PCDH9: variants seen among roughly 807,000 people sequenced by gnomAD.
PCDH9 encodes protocadherin 9.
PCDH9 carries 24 observed loss-of-function variants against 70.6 expected under a neutral mutation model. That is an observed-to-expected ratio of 0.34 (90% CI 0.25 to 0.48). The LOEUF is 0.48. Among genes scored for constraint, PCDH9 ranks in the 20% least tolerant of loss-of-function variants. The probability of loss-of-function intolerance (pLI) is 0.99; values close to 1 mark genes in which losing one functional copy is unlikely to be tolerated. For synonymous variants in PCDH9, 562 were observed against 558.5 expected (o/e 1.01, Z -0.09); for missense variants, 1,281 against 1,503.6 (o/e 0.85, Z 2.45).
intron 2 of PCDH9, chr13:67,212,395 T>A (rs995633650): frequency 6.6e-6 from 1 of 152,134 alleles, no homozygotes; most frequent in African/African-American, 2.4e-5. Context: ...AAAAGTACTG[T>A]GCTTAAAATT....
At chr13:66,927,695 A>T (rs1032179162) in intron 2 of PCDH9, among the ~76,000 whole-genome samples, 1 of 151,850 alleles carries the variant, frequency 6.6e-6, no homozygotes, top group African/African-American at 2.4e-5. Flanking sequence ...TTTTCTTTAC[A>T]TGTTCTTCCC....
intron 2 of PCDH9, among the ~76,000 whole-genome samples, chr13:67,053,750 C>T (rs1468927680): frequency 6.6e-6 from 1 of 152,130 alleles, no homozygotes; most frequent in Non-Finnish European, 1.5e-5. Flanking sequence ...ACAGATGACA[C>T]AATTTAAGTT....
intron 2 of PCDH9, among the ~76,000 whole-genome samples, chr13:67,008,561 C>T (rs1029311145): frequency 2.0e-5 from 3 of 152,016 alleles, no homozygotes; most frequent in African/African-American, 4.8e-5. Context: ...TAAGAGTCAG[C>T]ATATTCAAAA....
chr13:66,774,150 C>T (rs550442641), intron 3 of PCDH9, among the ~76,000 whole-genome samples: 2 of 152,242 alleles, frequency 1.3e-5, no homozygotes, highest in South Asian at 4.1e-4. Flanking sequence ...TTCATAATAA[C>T]CTGCTTCAAC....
chr13:67,086,734 T>C (rs985308336), intron 2 of PCDH9, among the ~76,000 whole-genome samples: 2 of 152,100 alleles, frequency 1.3e-5, no homozygotes, highest in East Asian at 3.9e-4. Context: ...AAGATAAAGA[T>C]GTCCCAGAGG....
chr13:66,405,129 T>C (rs267330), intron 4 of PCDH9, among the ~76,000 whole-genome samples: 147,556 of 152,266 alleles, frequency 0.97, 71,544 homozygotes, highest in Non-Finnish European at 0.99. Flanking sequence ...ACACAGATAG[T>C]TACTTTTTGT....
At chr13:66,724,245 C>T (rs566629511) in intron 3 of PCDH9, among the ~76,000 whole-genome samples, 81 of 152,082 alleles carry the variant, frequency 5.3e-4, no homozygotes, top group African/African-American at 1.9e-3. Context: ...TTTAAATGAG[C>T]CAAAAACAAT....
At chr13:66,935,471 G>A (rs1004783200) in intron 2 of PCDH9, among the ~76,000 whole-genome samples, 13 of 152,212 alleles carry the variant, frequency 8.5e-5, no homozygotes, top group African/African-American at 3.1e-4. Flanking sequence ...TGTACTAGGT[G>A]TAACTTATAA....
chr13:66,924,704 C>T (rs1372937664), intron 2 of PCDH9, among the ~76,000 whole-genome samples: 2 of 151,776 alleles, frequency 1.3e-5, no homozygotes, highest in Non-Finnish European at 2.9e-5. Context: ...TAGCTACATA[C>T]ATACATGAAA....
At chr13:66,348,796 A>C (rs753036316) in intron 4 of PCDH9, among the ~76,000 whole-genome samples, 44 of 151,714 alleles carry the variant, frequency 2.9e-4, no homozygotes, top group Non-Finnish European at 4.4e-5. Flanking sequence ...TCTTGACTGA[A>C]ATTATTTTTT....
intron 3 of PCDH9, among the ~76,000 whole-genome samples, chr13:66,902,469 G>C (rs2139596167): frequency 6.6e-6 from 1 of 151,434 alleles, no homozygotes; most frequent in East Asian, 1.9e-4. Flanking sequence ...GATGGCAAAA[G>C]CAATAATTAT....
chr13:66,971,107 G>A (rs2083514698), intron 2 of PCDH9, among the ~76,000 whole-genome samples: 1 of 152,006 alleles, frequency 6.6e-6, no homozygotes, highest in African/African-American at 2.4e-5. Flanking sequence ...TGAGTTTTTA[G>A]ACTCTTCTGC....
At chr13:66,630,797 TAA>T (rs2077560748) in intron 4 of PCDH9, 1 of 153,152 alleles carries the variant, frequency 6.5e-6, no homozygotes, top group South Asian at 2.1e-4. Flanking sequence ...TTTGTTTTTG[TAA>T]AGTGTTCACT....
At chr13:66,412,024 T>C (rs1305072727) in intron 4 of PCDH9, among the ~76,000 whole-genome samples, 1 of 152,204 alleles carries the variant, frequency 6.6e-6, no homozygotes, top group Non-Finnish European at 1.5e-5. Flanking sequence ...CATAAGAACA[T>C]ATATCAACTA....
intron 4 of PCDH9, among the ~76,000 whole-genome samples, chr13:66,575,048 C>T (rs985420316): frequency 3.3e-5 from 5 of 151,982 alleles, no homozygotes; most frequent in Non-Finnish European, 5.9e-5. Context: ...TGGCACATGC[C>T]TCTAATCCCA....
intron 4 of PCDH9, among the ~76,000 whole-genome samples, chr13:66,355,940 T>C (rs1204270433): frequency 1.3e-5 from 2 of 152,228 alleles, no homozygotes; most frequent in East Asian, 3.9e-4. Flanking sequence ...TGACTAATAG[T>C]TCCCTTTAGG....
chr13:67,213,318 T>C (rs907244052), intron 2 of PCDH9: 1 of 147,252 alleles, frequency 6.8e-6, no homozygotes, highest in African/African-American at 2.5e-5. Flanking sequence ...TTTAGCAGTA[T>C]ATAATAAATA....
chr13:66,714,040 T>A (rs1031409418), intron 3 of PCDH9, among the ~76,000 whole-genome samples: 1 of 152,218 alleles, frequency 6.6e-6, no homozygotes, highest in African/African-American at 2.4e-5. Flanking sequence ...GTAATACAAT[T>A]AATATACTTT....
At chr13:66,760,173 C>G (rs562074540) in intron 3 of PCDH9, among the ~76,000 whole-genome samples, 44 of 152,190 alleles carry the variant, frequency 2.9e-4, no homozygotes, top group African/African-American at 9.9e-4. Flanking sequence ...TATATCATCC[C>G]ATTCTCTTCT....
Sources: gnomAD v4.1 joint callset for allele counts (sites outside exome capture counted in the v4.1 genomes callset) on GRCh38, gnomAD v4.1.1 for gene constraint, MANE v1.5 for transcripts, NCBI Gene and HGNC (gene_info 2026-07-23, HGNC 2026-07-21) for gene names.